The following ATL1 variants were observed in gnomAD, a reference collection of about 807,000 sequenced individuals.
ATL1 encodes atlastin GTPase 1, also known as atlastin-1.
Under a neutral mutation model 75.5 loss-of-function variants are expected in ATL1, and 31 were observed. That is an observed-to-expected ratio of 0.41 (90% confidence interval 0.31 to 0.55). The LOEUF (loss-of-function observed/expected upper bound fraction) is 0.55, where lower values mean the gene tolerates loss of function less well. ATL1 is among the 20% of genes least tolerant of loss of function. ATL1 has a pLI of 0.27. For missense variants in ATL1, 405 were observed against 662.6 expected (o/e 0.61, Z 4.27); for synonymous variants, 226 against 233.3 (o/e 0.97, Z 0.28).
chr14:50,568,578 C>T (rs1017616811), intron 1 of ATL1, among the ~76,000 whole-genome samples: 1 of 152,138 alleles, frequency 6.6e-6, no homozygotes, highest in African/African-American at 2.4e-5. Flanking sequence ...TAAAGCAAAG[C>T]TCTTATAGAC....
At chr14:50,572,158 C>T in intron 1 of ATL1, 3 of 351,984 alleles carry the variant, frequency 8.5e-6, no homozygotes, top group East Asian at 1.7e-4. Flanking sequence ...TTTCCGTGGG[C>T]TTACAGATCA....
intron 1 of ATL1, chr14:50,572,153 G>T: frequency 2.7e-6 from 1 of 377,124 alleles, no homozygotes; most frequent in Admixed American, 3.4e-5. Flanking sequence ...TGTCTTTTCC[G>T]TGGGCTTACA....
At chr14:50,560,070 G>C, upstream of ATL1, 1 of 639,990 alleles carries the variant, frequency 1.6e-6, no homozygotes, top group Non-Finnish European at 2.8e-6. Context: ...GGCTTGTGAT[G>C]CTGAGCTTGG....
chr14:50,574,036 A>G (rs1163054441), intron 1 of ATL1, among the ~76,000 whole-genome samples: 7 of 152,172 alleles, frequency 4.6e-5, no homozygotes, highest in African/African-American at 7.2e-5. Flanking sequence ...TGATAACCGT[A>G]AAATGAGTCA....
intron 6 of ATL1, among the ~76,000 whole-genome samples, chr14:50,612,679 C>A (rs917017360): frequency 8.6e-5 from 13 of 151,996 alleles, no homozygotes; most frequent in Non-Finnish European, 1.5e-4. Flanking sequence ...AGCCCTCTTC[C>A]ATTTGTGTAT....
chr14:50,621,231 A>G (rs967624717), intron 9 of ATL1, among the ~76,000 whole-genome samples: 1 of 152,180 alleles, frequency 6.6e-6, no homozygotes, highest in African/African-American at 2.4e-5. Flanking sequence ...CCAGCACTGA[A>G]TACTTTTTAC....
intron 1 of ATL1, among the ~76,000 whole-genome samples, chr14:50,564,925 G>A (rs1333624793): frequency 4.6e-5 from 7 of 151,894 alleles, no homozygotes; most frequent in Admixed American, 1.3e-4. Context: ...CTTGAAATGA[G>A]ACCGTCTGTC....
chr14:50,603,233 T>A (rs1390556560), intron 6 of ATL1, among the ~76,000 whole-genome samples: 1 of 152,194 alleles, frequency 6.6e-6, no homozygotes, highest in Non-Finnish European at 1.5e-5. Flanking sequence ...TTCCATGTCC[T>A]CAGTGTCAAG....
upstream of ATL1, among the ~76,000 whole-genome samples, chr14:50,555,441 C>T (rs559107358): frequency 2.0e-5 from 3 of 152,196 alleles, no homozygotes; most frequent in Admixed American, 6.5e-5. Flanking sequence ...GCCACCCGTC[C>T]CGGCTAATTT....
intron 2 of ATL1, among the ~76,000 whole-genome samples, chr14:50,588,818 A>G (rs2039126544): frequency 6.6e-6 from 1 of 152,208 alleles, no homozygotes; most frequent in South Asian, 2.1e-4. Context: ...CTCAATGTAG[A>G]TCATTGACTC....
At chr14:50,583,408 T>C (rs753380053) in intron 1 of ATL1, among the ~76,000 whole-genome samples, 28 of 152,230 alleles carry the variant, frequency 1.8e-4, no homozygotes, top group Non-Finnish European at 3.2e-4. Flanking sequence ...AAGCTAATTA[T>C]AGTTCTTTAT....
rs2039543855 is a variant in ATL1, at chr14:50,628,425, C to G, written c.1514C>G (p.Ala505Gly). 5.6e-6 allele frequency: 9 copies of G among 1,614,098 alleles called. No homozygotes were observed. The highest frequency in any genetic ancestry group is 6.8e-6 in the Non-Finnish European group (8 of 1,180,028). The change falls in exon 12 of 14, where the codon GCT becomes GGT. Residue 505 changes from alanine (A) to glycine (G), a missense_variant. Physicochemically the swap from Ala to Gly is moderately conservative, Grantham distance 60. This residue lies in a region of ATL1 where 163 missense variants were observed against 244.1 expected (regional missense o/e 0.67). Coordinates refer to ENST00000358385, the MANE Select transcript of ATL1 (RefSeq NM_015915.5). ...TCTGGAGAATACCGAGAGCTGGGAG[C>G]TGTAATAGACCAGGTGGCTGCAGCT... ...RYSGEYRELGAVIDQVAAALW... is the reference protein window; with the variant it reads ...RYSGEYRELGGVIDQVAAALW...
chr14:50,571,487 T>G (rs2038954974), intron 1 of ATL1, among the ~76,000 whole-genome samples: 1 of 152,220 alleles, frequency 6.6e-6, no homozygotes, highest in African/African-American at 2.4e-5. Flanking sequence ...AGATTAAGAC[T>G]TCATCAGATT....
At chr14:50,598,337 G>A (rs1373398417) in intron 6 of ATL1, among the ~76,000 whole-genome samples, 3 of 151,938 alleles carry the variant, frequency 2.0e-5, no homozygotes, top group Non-Finnish European at 2.9e-5. Flanking sequence ...TTTGATTTAA[G>A]AGTCAGGTTA....
At chr14:50,571,653 G>T (rs1164371027) in intron 1 of ATL1, among the ~76,000 whole-genome samples, 1 of 152,066 alleles carries the variant, frequency 6.6e-6, no homozygotes, top group Middle Eastern at 3.2e-3. Flanking sequence ...ATGTTGAGGT[G>T]ATCTTGCATT....
chr14:50,533,098 GCA>G (rs1356565204), exon 1 of ATL1: 1 of 152,424 alleles, frequency 6.6e-6, no homozygotes, highest in African/African-American at 2.4e-5. Context: ...AGGCTGCACT[GCA>G]CACCTGCACA....
chr14:50,558,485 C>T (rs907714150), upstream of ATL1, among the ~76,000 whole-genome samples: 14 of 152,160 alleles, frequency 9.2e-5, no homozygotes, highest in Non-Finnish European at 1.9e-4. Flanking sequence ...GCCAATAGTA[C>T]AAAAAGTCAC....
intron 1 of ATL1, among the ~76,000 whole-genome samples, chr14:50,577,555 A>G (rs902924319): frequency 6.6e-6 from 1 of 152,206 alleles, no homozygotes; most frequent in Admixed American, 6.5e-5. Flanking sequence ...TGGTTTTAGT[A>G]TATTCAGAGT....
chr14:50,564,997 T>C (rs944180052), intron 1 of ATL1, among the ~76,000 whole-genome samples: 10 of 152,082 alleles, frequency 6.6e-5, no homozygotes, highest in African/African-American at 1.9e-4. Context: ...AAATTTCTAC[T>C]TGGTCTTGGC....
Sources: gnomAD v4.1 joint callset for allele counts (sites outside exome capture counted in the v4.1 genomes callset) on GRCh38, gnomAD v4.1.1 for gene constraint, gnomAD v4.1.1 regional missense constraint, MANE v1.5 for transcripts, NCBI Gene and HGNC (gene_info 2026-07-23, HGNC 2026-07-21) for gene names.